VAPA: variants seen among roughly 807,000 people sequenced by gnomAD.
VAPA encodes the protein vesicle-associated membrane protein-associated protein A.
In VAPA, 6 loss-of-function variants were observed where a neutral mutation model predicts 25.6. The observed-to-expected ratio is 0.23, with a 90% CI of 0.13 to 0.46. VAPA has a LOEUF of 0.46. Among genes scored for constraint, VAPA ranks in the 20% least tolerant of loss-of-function variants. VAPA has a pLI of 0.99. For missense variants in VAPA, 244 were observed against 302.1 expected (o/e 0.81, Z 1.43); for synonymous variants, 112 against 106.2 (o/e 1.05, Z -0.34).
intron 4 of VAPA, among the ~76,000 whole-genome samples, chr18:9,943,254 A>G (rs1369961332): frequency 2.0e-5 from 3 of 152,216 alleles, no homozygotes; most frequent in African/African-American, 7.2e-5. Flanking sequence ...AACCATCACT[A>G]AAGTATGGGC....
intron 2 of VAPA, 90 bp from the exon 3 acceptor site, chr18:9,936,020 G>A (rs1257461434): frequency 2.2e-6 from 2 of 889,942 alleles, no homozygotes; most frequent in Non-Finnish European, 3.2e-6. Flanking sequence ...GCAAATCCCA[G>A]ACTTAGTATA....
chr18:9,956,175 TAA>T lies in VAPA; in HGVS notation c.*1965_*1966del, dbSNP rs2069548539. On this transcript the variant is annotated 3_prime_UTR_variant, in exon 6 of 6. Transcript: ENST00000400000. ...GAGAAATCTGAGGCCTTACGAAGGT[TAA>T]GAGAACTTTCCCCGTGTCTCACAGG... The T allele has an allele frequency of 6.6e-6, 1 of 152,196 alleles. No individual in the cohort carries two copies. The highest frequency in any genetic ancestry group is 1.5e-5 in the Non-Finnish European group (1 of 68,042). 9.4% of individuals were successfully genotyped at this position (152,196 alleles called of 1,614,324 possible).
chr18:9,953,370 C>CT (rs2069509909), intron 5 of VAPA, among the ~76,000 whole-genome samples: 1 of 152,218 alleles, frequency 6.6e-6, no homozygotes, highest in African/African-American at 2.4e-5. Flanking sequence ...AAACAGTATT[C>CT]TTTCTCTGCT....
intron 4 of VAPA, among the ~76,000 whole-genome samples, chr18:9,939,598 T>C (rs539223680): frequency 3.4e-4 from 52 of 152,200 alleles, no homozygotes; most frequent in African/African-American, 1.3e-3. Context: ...ACAGAATTGA[T>C]TTTGCTGATT....
chr18:9,942,241 A>G (rs2069373167), intron 4 of VAPA, among the ~76,000 whole-genome samples: 3 of 152,340 alleles, frequency 2.0e-5, no homozygotes, highest in South Asian at 2.1e-4. Flanking sequence ...TAATTAACCT[A>G]TCAATCACCT....
In VAPA at chr18:9,949,145, TA is replaced by T. The variant is rs2069458792; in HGVS notation, c.418-1249del. On this transcript the variant is annotated intron_variant, in intron 4 of 5. Coordinates refer to ENST00000400000, the MANE Select transcript of VAPA (RefSeq NM_194434.3). Reference sequence around the variant, plus strand: ...TATATCTGAAACAGTTTTTTAATAATAGGGGCGGCTATTATTAGATTGGTTG... The same window carrying T: ...TATATCTGAAACAGTTTTTTAATAATGGGGCGGCTATTATTAGATTGGTTG... The T allele has an allele frequency of 2.6e-5, 4 of 152,250 alleles. No individual in the cohort carries two copies. In the South Asian group the frequency reaches 6.2e-4, roughly 24 times the overall value. 9.4% of individuals were successfully genotyped at this position (152,250 alleles called of 1,614,324 possible). A position where few individuals can be genotyped will look rare whatever the true frequency, so the allele number is the denominator to read the frequency against.
At chr18:9,941,841 G>C (rs570638315) in intron 4 of VAPA, among the ~76,000 whole-genome samples, 6 of 152,150 alleles carry the variant, frequency 3.9e-5, no homozygotes, top group Non-Finnish European at 8.8e-5. Flanking sequence ...CTTATTCAAA[G>C]AAAATACATT....
In VAPA at chr18:9,958,626, A is replaced by G. The variant is rs29092; in HGVS notation, c.*4415A>G. ...TTCAAGCTCCAATCATCGGCCAGAC[A>G]GTTGCTTTATGTAGGTTTTTAAATG... On this transcript the variant is annotated 3_prime_UTR_variant, in exon 6 of 6. Coordinates refer to ENST00000400000, the MANE Select transcript of VAPA (RefSeq NM_194434.3). The G allele has an allele frequency of 1.3e-5, 2 of 152,010 alleles. No individual in the cohort carries two copies. The highest frequency in any genetic ancestry group is 2.9e-5 in the Non-Finnish European group (2 of 67,986). 9.4% of individuals were successfully genotyped at this position (152,010 alleles called of 1,614,324 possible). A position where few individuals can be genotyped will look rare whatever the true frequency, so the allele number is the denominator to read the frequency against.
chr18:9,948,756 G>C lies in VAPA; in HGVS notation c.418-1639G>C, dbSNP rs78899962. 4,585 of 152,666 alleles carry C rather than the reference G, an allele frequency of 0.03. 425 individuals carry two copies. In the East Asian group the frequency reaches 0.35, roughly 12 times the overall value. 9.5% of individuals were successfully genotyped at this position (152,666 alleles called of 1,614,324 possible). The stretch of plus-strand genomic sequence containing the variant: ...CTAAAATTGTTTTTTGTAGAGACAG[G>C]GTCTCCCTCTGTTGCTCAGGCTGTT... On this transcript the variant is annotated intron_variant, in intron 4 of 5. Coordinates refer to ENST00000400000, the MANE Select transcript of VAPA (RefSeq NM_194434.3).
chr18:9,945,350 C>CTTTTTTTTTTTTTTT (rs869048248), intron 4 of VAPA, among the ~76,000 whole-genome samples: 1 of 57,306 alleles, frequency 1.7e-5, no homozygotes, highest in Non-Finnish European at 2.9e-5. Context: ...GGAATATACT[C>CTTTTTTTTTTTTTTT]TTTTTTTTTT....
At chr18:9,938,953 T>C (rs2069338613) in intron 4 of VAPA, among the ~76,000 whole-genome samples, 1 of 152,198 alleles carries the variant, frequency 6.6e-6, no homozygotes, top group Non-Finnish European at 1.5e-5. Flanking sequence ...AGACTTGGTA[T>C]AATTTAATCT....
chr18:9,942,623 A>C (rs2069377411), intron 4 of VAPA, among the ~76,000 whole-genome samples: 1 of 152,222 alleles, frequency 6.6e-6, no homozygotes, highest in Non-Finnish European at 1.5e-5. Context: ...CAGGCTGTAC[A>C]GGAAGCAGGG....
At chr18:9,940,795 C>T (rs1468399086) in intron 4 of VAPA, among the ~76,000 whole-genome samples, 4 of 152,188 alleles carry the variant, frequency 2.6e-5, no homozygotes, top group South Asian at 2.1e-4. Context: ...TTATAATTTA[C>T]ATTTCAAGTT....
At chr18:9,916,050 G>A (rs2069109389) in intron 1 of VAPA, among the ~76,000 whole-genome samples, 1 of 152,024 alleles carries the variant, frequency 6.6e-6, no homozygotes, top group Admixed American at 6.6e-5. Flanking sequence ...TTCCTCTACT[G>A]GATAACTATG....
intron 1 of VAPA, among the ~76,000 whole-genome samples, chr18:9,919,105 A>G (rs1013346973): frequency 3.3e-5 from 5 of 151,588 alleles, no homozygotes; most frequent in African/African-American, 9.7e-5. Flanking sequence ...CTGATCTCGA[A>G]CTCCTGACCT....
chr18:9,953,929 C>G, intron 5 of VAPA, 124 bp from the exon 6 acceptor site: 1 of 1,154,256 alleles, frequency 8.7e-7, no homozygotes, highest in Non-Finnish European at 1.2e-6. Flanking sequence ...CAGTTAATCC[C>G]CTTTTCCGTC....
chr18:9,923,483 G>C (rs1373132213), intron 1 of VAPA, among the ~76,000 whole-genome samples: 2 of 152,124 alleles, frequency 1.3e-5, no homozygotes, highest in Non-Finnish European at 1.5e-5. Flanking sequence ...CCTATGTTTT[G>C]ACAGCTCTTT....
chr18:9,936,630 C>T lies in VAPA; in HGVS notation c.337-356C>T, dbSNP rs569201807. The T allele has an allele frequency of 2.2e-5, 5 of 223,864 alleles. No individual in the cohort carries two copies. In the South Asian group the frequency reaches 6.1e-4, roughly 27 times the overall value. 13.9% of individuals were successfully genotyped at this position (223,864 alleles called of 1,614,324 possible). On this transcript the variant is annotated intron_variant, in intron 3 of 5. Coordinates refer to ENST00000400000, the MANE Select transcript of VAPA (RefSeq NM_194434.3). Reference sequence around the variant, plus strand: ...GGTATAGTGTTGGACGCCTGTAGTCCCAGCTACCCAGGAGGCATGGGAGGA... The same window carrying T: ...GGTATAGTGTTGGACGCCTGTAGTCTCAGCTACCCAGGAGGCATGGGAGGA...
intron 4 of VAPA, among the ~76,000 whole-genome samples, chr18:9,938,529 G>A (rs144205636): frequency 3.7e-3 from 556 of 152,284 alleles, no homozygotes; most frequent in Non-Finnish European, 6.2e-3. Context: ...CTGTTTTAGC[G>A]CTTGAACAAA....
Sources: gnomAD v4.1 joint callset for allele counts (sites outside exome capture counted in the v4.1 genomes callset) on GRCh38, gnomAD v4.1.1 for gene constraint, MANE v1.5 for transcripts, NCBI Gene and HGNC (gene_info 2026-07-23, HGNC 2026-07-21) for gene names.